CPQ: variants seen among roughly 807,000 people sequenced by gnomAD.
The protein encoded by CPQ is carboxypeptidase Q.
CPQ carries 37 observed loss-of-function variants against 45.7 expected under a neutral mutation model. The ratio of observed to expected loss-of-function variants is 0.81; its 90% CI spans 0.62 to 1.07. The LOEUF (loss-of-function observed/expected upper bound fraction) is 1.07, where lower values mean the gene tolerates loss of function less well. CPQ is among the 50% of genes least tolerant of loss of function. The pLI, the probability that CPQ is intolerant of heterozygous loss-of-function variation, is 0.00. For missense variants in CPQ, 537 were observed against 572.9 expected (o/e 0.94, Z 0.64); for synonymous variants, 186 against 205.8 (o/e 0.90, Z 0.82).
Position 96,689,987 on chromosome 8 carries a change from C to T in CPQ, c.-35+44585C>T, listed in dbSNP as rs139119971. Reference sequence around the variant, plus strand: ...TCTGTTTGGATTGTCTCCAATATGACCTTCATTTCTCTGATGGTTTTATTT... The same window carrying T: ...TCTGTTTGGATTGTCTCCAATATGATCTTCATTTCTCTGATGGTTTTATTT... On this transcript the variant is annotated intron_variant, in intron 1 of 7. Coordinates refer to ENST00000220763, the MANE Select transcript of CPQ (RefSeq NM_016134.4). Among the ~76,000 whole-genome samples the T allele has an allele frequency of 1.8e-4, 28 of 152,062 alleles. No individual in the cohort carries two copies. The East Asian group carries it at 4.6e-3, about 25-fold the overall frequency.
chr8:96,919,408 C>T (rs539704477), intron 4 of CPQ, among the ~76,000 whole-genome samples: 5 of 152,076 alleles, frequency 3.3e-5, no homozygotes, highest in African/African-American at 4.8e-5. Flanking sequence ...AACTAACTAA[C>T]GTATGTGTAC....
intron 1 of CPQ, among the ~76,000 whole-genome samples, chr8:96,742,940 G>T (rs1404889218): frequency 2.6e-5 from 4 of 152,106 alleles, no homozygotes; most frequent in Admixed American, 2.6e-4. Flanking sequence ...TGGTGAATTT[G>T]ACAATTATGT....
At chr8:96,697,476 A>G (rs1809401147) in intron 1 of CPQ, among the ~76,000 whole-genome samples, 1 of 152,156 alleles carries the variant, frequency 6.6e-6, no homozygotes, top group Non-Finnish European at 1.5e-5. Flanking sequence ...AAGGATGCCC[A>G]CCTTCACTAC....
At chr8:97,137,611 T>C (rs1439388413) in intron 7 of CPQ, among the ~76,000 whole-genome samples, 1 of 152,210 alleles carries the variant, frequency 6.6e-6, no homozygotes, top group Non-Finnish European at 1.5e-5. Flanking sequence ...TTGTCTCCCC[T>C]GGGTGTGCTG....
intron 5 of CPQ, among the ~76,000 whole-genome samples, chr8:96,978,996 T>C (rs1386523733): frequency 1.3e-5 from 2 of 151,336 alleles, no homozygotes; most frequent in East Asian, 3.9e-4. Flanking sequence ...CAGGCAACAA[T>C]GGCTTCACAT....
At chr8:97,064,218 A>T (rs537488944) in intron 6 of CPQ, among the ~76,000 whole-genome samples, 1 of 152,210 alleles carries the variant, frequency 6.6e-6, no homozygotes, top group East Asian at 1.9e-4. Context: ...TTCTGTTTTC[A>T]TTTGCAAGAT....
chr8:96,743,093 CCG>C (rs1810118972), intron 1 of CPQ, among the ~76,000 whole-genome samples: 2 of 152,116 alleles, frequency 1.3e-5, no homozygotes, highest in Non-Finnish European at 2.9e-5. Context: ...TTCCATTCTC[CCG>C]GTCACTTTCA....
chr8:96,717,086 T>TACACAC (rs112733642), intron 1 of CPQ, among the ~76,000 whole-genome samples: 65 of 121,954 alleles, frequency 5.3e-4, no homozygotes, highest in African/African-American at 2.0e-3. Flanking sequence ...TACGTATATA[T>TACACAC]ACACACACAC....
intron 3 of CPQ, among the ~76,000 whole-genome samples, chr8:96,868,474 G>A (rs56311417): frequency 5.3e-5 from 8 of 152,026 alleles, no homozygotes; most frequent in South Asian, 2.1e-4. Flanking sequence ...GACTTCAGGC[G>A]TATTCAATAA....
intron 7 of CPQ, among the ~76,000 whole-genome samples, chr8:97,109,812 A>G (rs768641247): frequency 7.2e-5 from 11 of 151,834 alleles, no homozygotes; most frequent in Non-Finnish European, 1.6e-4. Flanking sequence ...CATTCCCCAC[A>G]TGACTCGTCC....
intron 1 of CPQ, among the ~76,000 whole-genome samples, chr8:96,769,240 G>C (rs1181140877): frequency 6.6e-6 from 1 of 152,116 alleles, no homozygotes; most frequent in Non-Finnish European, 1.5e-5. Context: ...TCCAAGTCTT[G>C]GGAAACTAGC....
At chr8:96,710,759 G>A (rs181635778) in intron 1 of CPQ, among the ~76,000 whole-genome samples, 2 of 152,218 alleles carry the variant, frequency 1.3e-5, no homozygotes, top group East Asian at 3.9e-4. Context: ...TTGTTTTGTG[G>A]CATGTCATAT....
At chr8:97,118,296 C>T (rs1811630402) in intron 7 of CPQ, among the ~76,000 whole-genome samples, 1 of 152,132 alleles carries the variant, frequency 6.6e-6, no homozygotes, top group South Asian at 2.1e-4. Context: ...GCCTGGCAGC[C>T]ACCAGATGGT....
chr8:97,063,101 T>C (rs1013289362), intron 6 of CPQ, among the ~76,000 whole-genome samples: 3 of 152,158 alleles, frequency 2.0e-5, no homozygotes, highest in East Asian at 1.9e-4. Context: ...CCCATCAACA[T>C]TGTATAAGTG....
At chr8:96,802,314 A>T (rs1444429048) in intron 2 of CPQ, among the ~76,000 whole-genome samples, 1 of 152,106 alleles carries the variant, frequency 6.6e-6, no homozygotes, top group East Asian at 1.9e-4. Flanking sequence ...GGCTCATTGT[A>T]GTCTTGGAAT....
At chr8:96,857,353 A>G (rs948953430) in intron 3 of CPQ, among the ~76,000 whole-genome samples, 72 of 152,210 alleles carry the variant, frequency 4.7e-4, no homozygotes, top group African/African-American at 1.7e-3. Context: ...CTCCTCCTCT[A>G]CTTAAGGAAC....
intron 1 of CPQ, among the ~76,000 whole-genome samples, chr8:96,746,748 A>T (rs886221188): frequency 2.0e-5 from 3 of 152,190 alleles, no homozygotes; most frequent in African/African-American, 7.2e-5. Context: ...AACCTTGTGA[A>T]AGCAATTTCA....
chr8:96,675,498 T>C (rs894354482), intron 1 of CPQ, among the ~76,000 whole-genome samples: 1 of 152,106 alleles, frequency 6.6e-6, no homozygotes, highest in African/African-American at 2.4e-5. Flanking sequence ...AAACTATTCC[T>C]AACTTTTCCT....
Position 96,888,013 on chromosome 8 carries a change from T to A in CPQ, c.849+8008T>A, listed in dbSNP as rs529930868. Among the ~76,000 whole-genome samples, 4 of 152,280 alleles carry A rather than the reference T, an allele frequency of 2.6e-5. No homozygotes were observed. The East Asian group carries it at 7.7e-4, about 29-fold the overall frequency. ...TGAACACTTCACTTTCTTTTTTCAG[T>A]GTGGGGCAGGATTTCTCAACATCAT... is the stretch of plus-strand genomic sequence containing the variant. On this transcript the variant is annotated intron_variant, in intron 4 of 7. Coordinates refer to ENST00000220763, the MANE Select transcript of CPQ (RefSeq NM_016134.4).
Sources: gnomAD v4.1 joint callset for allele counts (sites outside exome capture counted in the v4.1 genomes callset) on GRCh38, gnomAD v4.1.1 for gene constraint, MANE v1.5 for transcripts, NCBI Gene and HGNC (gene_info 2026-07-23, HGNC 2026-07-21) for gene names.